Variants in ATP11C observed in about 807,000 individuals in gnomAD.
The protein encoded by ATP11C is ATPase phospholipid transporting 11C (ATP11C blood group), also known as phospholipid-transporting ATPase IG.
Under a neutral mutation model 97.4 loss-of-function variants are expected in ATP11C, and 36 were observed. The observed-to-expected ratio is 0.37, with a 90% CI of 0.28 to 0.49. The LOEUF is 0.49. ATP11C is among the 20% of genes least tolerant of loss of function. The probability of loss-of-function intolerance (pLI) is 0.98; values close to 1 mark genes in which losing one functional copy is unlikely to be tolerated. For synonymous variants in ATP11C, 275 were observed against 290.9 expected (o/e 0.95, Z 0.56); for missense variants, 730 against 824.6 (o/e 0.89, Z 1.40).
chrX:139,853,271 C>G (rs1045035069), intron 1 of ATP11C, among the ~76,000 whole-genome samples: 4 of 107,305 alleles, frequency 3.7e-5, no homozygotes, highest in Non-Finnish European at 7.7e-5. Context: ...GAAAGACCAG[C>G]AGAGAGAGAG....
intron 28 of ATP11C, among the ~76,000 whole-genome samples, chrX:139,736,052 C>T (rs1285499200): frequency 8.9e-6 from 1 of 111,844 alleles, no homozygotes; most frequent in Non-Finnish European, 1.9e-5. Flanking sequence ...ATTCTTCCTA[C>T]GCTGGACATA....
intron 8 of ATP11C, among the ~76,000 whole-genome samples, chrX:139,799,331 A>G (rs1485219491): frequency 1.8e-5 from 2 of 111,467 alleles, no homozygotes; most frequent in Non-Finnish European, 3.8e-5. Flanking sequence ...TACATAAAAC[A>G]ATTCGTTTTA....
chrX:139,796,248 ATT>A, intron 12 of ATP11C, 23 bp downstream of exon 12: 2 of 1,083,341 alleles, frequency 1.8e-6, no homozygotes, highest in Non-Finnish European at 2.5e-6. Context: ...TTGACAAATT[ATT>A]TTAAGTAAAA....
At chrX:139,812,264 CA>C (rs1472072262) in intron 5 of ATP11C, among the ~76,000 whole-genome samples, 4 of 111,837 alleles carry the variant, frequency 3.6e-5, no homozygotes, top group Non-Finnish European at 7.5e-5. Flanking sequence ...TAGCATCTCA[CA>C]CAATAATTTA....
In ATP11C at chrX:139,932,849, A is replaced by AGGGGC. The variant is rs1159057462; in HGVS notation, c.-812_-808dup. 9.0e-6 allele frequency: 1 copy of AGGGGC among 110,893 alleles called. No individual in the cohort carries two copies. The highest frequency in any genetic ancestry group is 2.9e-4 in the East Asian group (1 of 3,407). 9.1% of individuals were successfully genotyped at this position (110,893 alleles called of 1,213,427 possible). On this transcript the variant is annotated 5_prime_UTR_variant, in exon 1 of 30. Transcript: ENST00000682941. ...GGCACCGTGAAGACCCCAGCGCGGG[A>AGGGGC]GGGGCGGGGCGGGGTGCGAGGGGGG...
intron 24 of ATP11C, among the ~76,000 whole-genome samples, chrX:139,749,561 A>G (rs1289460717): frequency 8.9e-6 from 1 of 111,833 alleles, no homozygotes; most frequent in Non-Finnish European, 1.9e-5. Context: ...TATTTTCTTC[A>G]ACAGTTTTAG....
intron 15 of ATP11C, 109 bp from the exon 16 acceptor site, chrX:139,785,408 G>T (rs954855167): frequency 3.8e-6 from 2 of 530,610 alleles, no homozygotes; most frequent in African/African-American, 4.7e-5. Context: ...GATAGCACTG[G>T]TTGTGTGCAC....
intron 2 of ATP11C, among the ~76,000 whole-genome samples, chrX:139,820,157 G>C (rs2083374735): frequency 9.2e-6 from 1 of 108,204 alleles, no homozygotes; most frequent in Non-Finnish European, 1.9e-5. Flanking sequence ...CTGCACTCCA[G>C]CCTAGACAAC....
At chrX:139,735,133 C>T (rs2081417224) in intron 28 of ATP11C, among the ~76,000 whole-genome samples, 1 of 111,954 alleles carries the variant, frequency 8.9e-6, no homozygotes, top group African/African-American at 3.2e-5. Flanking sequence ...CCCTGAATTA[C>T]CAACACCTAG....
At chrX:139,897,260 G>A (rs2084825138) in intron 1 of ATP11C, among the ~76,000 whole-genome samples, 1 of 110,469 alleles carries the variant, frequency 9.1e-6, no homozygotes, top group African/African-American at 3.3e-5. Context: ...GGCATATACA[G>A]GTATCCCAAA....
chrX:139,743,362 GA>G (rs771600598), intron 26 of ATP11C, among the ~76,000 whole-genome samples, 196 bp downstream of exon 26: 1 of 110,037 alleles, frequency 9.1e-6, no homozygotes, highest in Non-Finnish European at 1.9e-5. Flanking sequence ...ATATACTGGG[GA>G]AAAAACTGAT....
intron 18 of ATP11C, among the ~76,000 whole-genome samples, chrX:139,781,577 G>C (rs1343743429): frequency 1.8e-5 from 2 of 111,683 alleles, no homozygotes; most frequent in Admixed American, 9.5e-5. Flanking sequence ...GCTGGGTGTG[G>C]TGGCATATGC....
At chrX:139,746,744 C>T (rs189162269) in intron 24 of ATP11C, among the ~76,000 whole-genome samples, 2 of 111,429 alleles carry the variant, frequency 1.8e-5, no homozygotes, top group East Asian at 2.8e-4. Flanking sequence ...TAAGTCAGAA[C>T]GCTAAATAAG....
At chrX:139,912,865 AC>A (rs1227859059) in intron 1 of ATP11C, among the ~76,000 whole-genome samples, 1 of 111,943 alleles carries the variant, frequency 8.9e-6, no homozygotes, top group African/African-American at 3.2e-5. Flanking sequence ...TTCTCCTGAT[AC>A]TTTTAATCAA....
At chrX:139,848,659 T>C (rs1026940555) in intron 1 of ATP11C, among the ~76,000 whole-genome samples, 3 of 110,293 alleles carry the variant, frequency 2.7e-5, no homozygotes, top group Non-Finnish European at 5.7e-5. Flanking sequence ...AGCACTGCAC[T>C]CAGCTAAAGA....
At chrX:139,732,327 T>C (rs755968398) in intron 28 of ATP11C, 7 of 223,977 alleles carry the variant, frequency 3.1e-5, no homozygotes, top group East Asian at 1.1e-4. Context: ...TAAGCATCAA[T>C]AGAAGATATA....
intron 19 of ATP11C, among the ~76,000 whole-genome samples, chrX:139,771,992 T>C (rs2082262751): frequency 8.9e-6 from 1 of 111,936 alleles, no homozygotes; most frequent in Admixed American, 9.4e-5. Context: ...GGAAAATGTC[T>C]CCAGGCCATG....
At chrX:139,931,437 C>T (rs1385221954) in intron 1 of ATP11C, among the ~76,000 whole-genome samples, 1 of 111,816 alleles carries the variant, frequency 8.9e-6, no homozygotes, top group Non-Finnish European at 1.9e-5. Context: ...CAATCACGCT[C>T]GCCTTTCAAA....
At chrX:139,776,868 A>G (rs1027950616) in intron 18 of ATP11C, among the ~76,000 whole-genome samples, 1 of 111,901 alleles carries the variant, frequency 8.9e-6, no homozygotes, top group Non-Finnish European at 1.9e-5. Context: ...CACTACAGCA[A>G]ACAGCATCTG....
Sources: allele counts gnomAD v4.1 joint callset (sites outside exome capture counted in the v4.1 genomes callset), GRCh38; gene constraint gnomAD v4.1.1; transcripts MANE v1.5; gene names NCBI Gene and HGNC (gene_info 2026-07-23, HGNC 2026-07-21).